The following COL5A3 variants were observed in gnomAD, a reference collection of about 807,000 sequenced individuals.
The protein encoded by COL5A3 is collagen type V alpha 3 chain.
A neutral mutation model predicts 250.0 loss-of-function variants in COL5A3; 172 were observed. The ratio of observed to expected loss-of-function variants is 0.69; its 90% CI spans 0.61 to 0.78. The LOEUF (loss-of-function observed/expected upper bound fraction) is 0.78, where lower values mean the gene tolerates loss of function less well. Among genes scored for constraint, COL5A3 ranks in the 30% least tolerant of loss-of-function variants. The probability of loss-of-function intolerance (pLI) is 0.00; values close to 1 mark genes in which losing one functional copy is unlikely to be tolerated. For synonymous variants in COL5A3, 937 were observed against 900.4 expected (o/e 1.04, Z -0.73); for missense variants, 2,340 against 2,334.4 (o/e 1.00, Z -0.05).
chr19:9,970,365 TCTGTGGGGTAAGCGGGGG>T (rs2086821023), intron 54 of COL5A3, among the ~76,000 whole-genome samples: 1 of 28,956 alleles, frequency 3.5e-5, no homozygotes, highest in Non-Finnish European at 6.3e-5. Context: ...CTGAGTGGGG[TCTGTGGGGTAAGCGGGGG>T]CTGTGGGGTG....
At chr19:10,002,970 C>T (rs1321654647) in intron 6 of COL5A3, among the ~76,000 whole-genome samples, 1 of 152,128 alleles carries the variant, frequency 6.6e-6, no homozygotes, top group South Asian at 2.1e-4. Flanking sequence ...ACATCAGTAA[C>T]ACCAATAATG....
rs2086927342 is a variant in COL5A3, at chr19:9,976,631, A to G, written c.3289-20T>C. The G allele has an allele frequency of 1.9e-6, 3 of 1,568,730 alleles. No homozygotes were observed. In the African/African-American group the frequency reaches 4.1e-5, roughly 22 times the overall value. ...TGGGCCCTGGGAGAACAGGAAACAG[A>G]ATCAAAAATTCCCTCAGGTTTAAGA... On this transcript the variant is annotated intron_variant, in intron 44 of 66. Coordinates refer to ENST00000264828, the MANE Select transcript of COL5A3 (RefSeq NM_015719.4).
At chr19:9,964,787 G>A (rs2086715228) in intron 64 of COL5A3, among the ~76,000 whole-genome samples, 1 of 142,130 alleles carries the variant, frequency 7.0e-6, no homozygotes, top group Admixed American at 7.4e-5. Flanking sequence ...CACTTTGGGA[G>A]GCCAAGGTGG....
At chr19:9,975,224 G>A (rs777578887) in intron 45 of COL5A3, among the ~76,000 whole-genome samples, 14 of 152,082 alleles carry the variant, frequency 9.2e-5, no homozygotes, top group Non-Finnish European at 1.9e-4. Flanking sequence ...ACAGGGGCCC[G>A]CCACCATGCC....
In COL5A3 at chr19:9,991,604, A is replaced by T. The variant is rs759549964; in HGVS notation, c.1992+6T>A. 4.3e-5 allele frequency: 68 copies of T among 1,588,674 alleles called. No homozygotes were observed. Among genetic ancestry groups the T allele is most frequent in the Non-Finnish European group, 5.7e-5 (66 of 1,167,328 alleles). The stretch of plus-strand genomic sequence containing the variant: ...GGAGGTCGCGGTAGGTGGAGCTGTC[A>T]CTCACCTTCTCCCCAGGAGTGCCAA... On this transcript the variant is annotated splice_donor_region_variant and intron_variant, in intron 24 of 66. Coordinates refer to ENST00000264828, the MANE Select transcript of COL5A3 (RefSeq NM_015719.4).
intron 50 of COL5A3, 62 bp downstream of exon 50, chr19:9,973,508 G>A (rs2086880388): frequency 1.9e-5 from 29 of 1,539,310 alleles, no homozygotes; most frequent in Non-Finnish European, 2.6e-5. Context: ...AGTGGCCCAA[G>A]ATGCCCAGGG....
chr19:9,971,700 G>A (rs918843278), intron 51 of COL5A3, among the ~76,000 whole-genome samples: 1 of 152,116 alleles, frequency 6.6e-6, no homozygotes, highest in African/African-American at 2.4e-5. Flanking sequence ...CCTCTACTGT[G>A]GTGACAGAAG....
intron 8 of COL5A3, among the ~76,000 whole-genome samples, chr19:9,999,449 CTTTTCTTT>C (rs1382066744): frequency 1.4e-5 from 2 of 144,662 alleles, no homozygotes; most frequent in South Asian, 4.3e-4. Context: ...GGCCTTTTTT[CTTTTCTTT>C]TTTTCTTTTT....
intron 21 of COL5A3, among the ~76,000 whole-genome samples, chr19:9,992,595 G>A (rs1019806787): frequency 1.3e-5 from 2 of 151,826 alleles, no homozygotes; most frequent in Non-Finnish European, 2.9e-5. Flanking sequence ...TAACTAACAT[G>A]GTGAAACCCT....
In COL5A3 at chr19:9,968,710, C is replaced by T. The variant is rs145421008; in HGVS notation, c.4171G>A (p.Gly1391Arg). Residue 1391 changes from glycine to arginine, a missense_variant, in exon 58 of 67, where the codon GGG becomes AGG. This residue lies in a region of COL5A3 where 1,179 missense variants were observed against 1,162.6 expected (regional missense o/e 1.01). Transcript: ENST00000264828. This position sits in a 1 kb window ranked among gnomAD's most constrained non-coding sequence, Gnocchi z 4.1. The stretch of plus-strand genomic sequence containing the variant: ...TTGGGGCCAGTGTCTCCCTTCAGCC[C>T]TGGGAGGCCAGAGGGCCCCTGGGAG... ...PGPLGPSGLP[G>R]LKGDTGPKGE... 116 of 1,605,840 alleles carry T rather than the reference C, an allele frequency of 7.2e-5. No homozygotes were observed. Among genetic ancestry groups the T allele is most frequent in the South Asian group, 3.4e-4 (30 of 89,516 alleles).
At chr19:9,992,293 C>A (rs2087205438) in intron 21 of COL5A3, among the ~76,000 whole-genome samples, 1 of 152,114 alleles carries the variant, frequency 6.6e-6, no homozygotes. Flanking sequence ...CATGTAATCT[C>A]AGCTACTCAG....
At chr19:9,969,999 G>T (rs1599532210) in intron 54 of COL5A3, 77 bp from the exon 55 acceptor site, 8 of 1,118,752 alleles carry the variant, frequency 7.2e-6, no homozygotes, top group African/African-American at 3.6e-5. Context: ...TGGGTGACTG[G>T]GGGGTTATGG....
chr19:9,970,581 T>A, intron 54 of COL5A3, 41 bp downstream of exon 54: 1 of 1,335,228 alleles, frequency 7.5e-7, no homozygotes, highest in Non-Finnish European at 9.8e-7. Flanking sequence ...GAGTGGGGGC[T>A]GTAGATAAGC....
intron 30 of COL5A3, 45 bp from the exon 31 acceptor site, chr19:9,985,940 G>C (rs28539329): frequency 0.059 from 93,749 of 1,581,038 alleles, 3,291 homozygotes; most frequent in African/African-American, 0.15. Context: ...GCAACCTGGA[G>C]GTCAGAGGCG....
chr19:9,985,928 T>C, intron 30 of COL5A3, 33 bp from the exon 31 acceptor site: 1 of 1,609,430 alleles, frequency 6.2e-7, no homozygotes, highest in Non-Finnish European at 8.5e-7. Flanking sequence ...AGGTCAGAAA[T>C]TGCAACCTGG....
chr19:9,982,308 C>T (rs1289106286), intron 31 of COL5A3, among the ~76,000 whole-genome samples, 190 bp from the exon 32 acceptor site: 1 of 152,142 alleles, frequency 6.6e-6, no homozygotes, highest in African/African-American at 2.4e-5. Flanking sequence ...CTTCTCATTT[C>T]ACTGCAGCCC....
At position 9,960,463 on chromosome 19, in the gene COL5A3, T is replaced by C. The variant is rs2086656614; in HGVS notation, c.5186A>G (p.Gln1729Arg). The change falls in exon 67 of 67, where the codon CAG becomes CGG. Residue 1729 changes from glutamine (Q) to arginine (R), a missense_variant. Gln to Arg is a conservative substitution (Grantham distance 43). Around this residue, in one of 3 missense-constraint regions of COL5A3, gnomAD observed 1,179 missense variants for 1,162.6 expected, o/e 1.01. Coordinates refer to ENST00000264828, the MANE Select transcript of COL5A3 (RefSeq NM_015719.4). ...LWDVAATDFG[Q>R]TNQKFGFELG... ...TTCAAACCCAAACTTTTGGTTCGTCTGGCCAAAGTCAGTGGCCGCCACATC... is the reference window on the plus strand; with the variant it reads ...TTCAAACCCAAACTTTTGGTTCGTCCGGCCAAAGTCAGTGGCCGCCACATC... 1.2e-6 allele frequency: 2 copies of C among 1,614,188 alleles called. No individual in the cohort carries two copies. Among genetic ancestry groups the C allele is most frequent in the Non-Finnish European group, 1.7e-6 (2 of 1,180,034 alleles).
At chr19:9,981,651 A>G (rs1242208553) in intron 32 of COL5A3, among the ~76,000 whole-genome samples, 1 of 152,226 alleles carries the variant, frequency 6.6e-6, no homozygotes, top group African/African-American at 2.4e-5. Context: ...CAATACATGC[A>G]TGTATACCCA....
In COL5A3 at chr19:9,986,763, A is replaced by G; in HGVS notation, c.2146-5T>C. ...GCCCCGGTTGCCTGAAGTGCCCTGGAAAATAAAAAAAAAAAGCTCTCAAGC... is the reference window on the plus strand; with the variant it reads ...GCCCCGGTTGCCTGAAGTGCCCTGGGAAATAAAAAAAAAAAGCTCTCAAGC... On this transcript the variant is annotated splice_region_variant and splice_polypyrimidine_tract_variant and intron_variant, in intron 27 of 66. Transcript: ENST00000264828. 1 of 1,574,762 alleles carries G rather than the reference A, an allele frequency of 6.4e-7. No individual in the cohort carries two copies. Among genetic ancestry groups the G allele is most frequent in the Non-Finnish European group, 8.5e-7 (1 of 1,170,432 alleles).
Sources: gnomAD v4.1 joint callset for allele counts (sites outside exome capture counted in the v4.1 genomes callset) on GRCh38, gnomAD v4.1.1 for gene constraint, gnomAD v4.1.1 regional missense constraint, Gnocchi (gnomAD v3.1) non-coding constraint, MANE v1.5 for transcripts, NCBI Gene and HGNC (gene_info 2026-07-23, HGNC 2026-07-21) for gene names.